The following FZR1 variants were observed in gnomAD, a reference collection of about 807,000 sequenced individuals.
The protein encoded by FZR1 is fizzy and cell division cycle 20 related 1.
In FZR1, 11 loss-of-function variants were observed where a neutral mutation model predicts 63.6. That is an observed-to-expected ratio of 0.17 (90% CI 0.11 to 0.29). FZR1 has a LOEUF of 0.29. Ranked by LOEUF, FZR1 falls within the 10% of genes least tolerant of loss-of-function variation. The pLI, the probability that FZR1 is intolerant of heterozygous loss-of-function variation, is 1.00. For synonymous variants in FZR1, 328 were observed against 297.9 expected, an observed-to-expected ratio of 1.10 and a Z score of -1.04; for missense variants, 440 against 687.5, an observed-to-expected ratio of 0.64 and a Z score of 4.03.
chr19:3,529,742 G>A (rs1468275633), intron 7 of FZR1, among the ~76,000 whole-genome samples: 1 of 150,336 alleles, frequency 6.7e-6, no homozygotes, highest in Admixed American at 6.6e-5. Flanking sequence ...GAGAGTGGAT[G>A]GGTGAGCGCA....
intron 7 of FZR1, 56 bp from the exon 8 acceptor site, chr19:3,530,736 G>A: frequency 7.5e-7 from 1 of 1,340,910 alleles, no homozygotes; most frequent in Non-Finnish European, 1.1e-6. Flanking sequence ...ATGTACCCAT[G>A]GATAGACTGG....
In FZR1 at chr19:3,526,223, T is replaced by A. The variant is rs775745495; in HGVS notation, c.260-36T>A. 1 of 1,611,504 alleles carries A rather than the reference T, an allele frequency of 6.2e-7. No individual in the cohort carries two copies. Among genetic ancestry groups the A allele is most frequent in the South Asian group, 1.1e-5 (1 of 91,056 alleles). Reference sequence around the variant, plus strand: ...CCATCCGCCCTGCAGGCCCCCACCCTGCCTTGCCCCGCCTCACTGTGCTTG... The same window carrying A: ...CCATCCGCCCTGCAGGCCCCCACCCAGCCTTGCCCCGCCTCACTGTGCTTG... On this transcript the variant is annotated intron_variant, in intron 4 of 13. Coordinates refer to ENST00000441788, the MANE Select transcript of FZR1 (RefSeq NM_016263.4). This position sits in a 1 kb window ranked among gnomAD's most constrained non-coding sequence, Gnocchi z 5.4.
chr19:3,519,463 A>G (rs563652080), intron 1 of FZR1, among the ~76,000 whole-genome samples: 1 of 152,214 alleles, frequency 6.6e-6, no homozygotes, highest in African/African-American at 2.4e-5. Flanking sequence ...CTGGTCTCAG[A>G]TTTGCTGGAC....
chr19:3,507,993 G>C (rs1450564162), intron 1 of FZR1, among the ~76,000 whole-genome samples: 4 of 152,124 alleles, frequency 2.6e-5, no homozygotes, highest in African/African-American at 9.7e-5. Flanking sequence ...GGCAAGCCCG[G>C]TGCTTTACTG....
chr19:3,526,938 G>T lies in FZR1; in HGVS notation c.388-42G>T. On this transcript the variant is annotated intron_variant, in intron 5 of 13. Transcript: ENST00000441788. The surrounding 1 kb of genome is among the most constrained non-coding windows in gnomAD (Gnocchi z 5.4). Reference sequence around the variant, plus strand: ...TGCTGGGGGGCTCTGAGGGTCCTGCGGCCTGGGCGTGCGCTCAGCTGGCAT... The same window carrying T: ...TGCTGGGGGGCTCTGAGGGTCCTGCTGCCTGGGCGTGCGCTCAGCTGGCAT... 1 of 1,432,030 alleles carries T rather than the reference G, an allele frequency of 7.0e-7. No homozygotes were observed. 88.7% of individuals were successfully genotyped at this position (1,432,030 alleles called of 1,614,324 possible). A position where few individuals can be genotyped will look rare whatever the true frequency, so the allele number is the denominator to read the frequency against.
chr19:3,530,482 G>A lies in FZR1; in HGVS notation c.655-310G>A, dbSNP rs552226813. The stretch of plus-strand genomic sequence containing the variant: ...CGCATGGATGAGCGCATGGGAGAGC[G>A]CATGGGTGAGCGGATGCAAGAGTGG... On this transcript the variant is annotated intron_variant, in intron 7 of 13. Transcript: ENST00000441788. 1.2e-4 allele frequency among the ~76,000 whole-genome samples: 17 copies of A among 143,874 alleles called. 1 individual carries two copies. In the South Asian group the frequency reaches 2.9e-3, roughly 25 times the overall value. The allele number at this position is 143,874 out of a possible 152,430, so 94.4% of individuals were successfully genotyped here.
Position 3,534,518 on chromosome 19 carries a change from A to AG in FZR1, c.1440+6dup. The AG allele has an allele frequency of 6.3e-7, 1 of 1,590,946 alleles. No individual in the cohort carries two copies. Among genetic ancestry groups the AG allele is most frequent in the Non-Finnish European group, 8.6e-7 (1 of 1,163,930 alleles). ...AGCAAAACCCGTTCGACAAAGGTAA[A>AG]GTGGGTCGGTATCAGCGCCACTCGC... On this transcript the variant is annotated splice_donor_region_variant and intron_variant, in intron 13 of 13. Coordinates refer to ENST00000441788, the MANE Select transcript of FZR1 (RefSeq NM_016263.4).
chr19:3,512,942 A>AC (rs972342242), intron 1 of FZR1, among the ~76,000 whole-genome samples: 23 of 151,786 alleles, frequency 1.5e-4, no homozygotes, highest in African/African-American at 5.6e-4. Context: ...TAGCTGGGTG[A>AC]CCCCCCATTT....
At position 3,514,147 on chromosome 19, in the gene FZR1, G is replaced by A. The variant is rs2083042163; in HGVS notation, c.-35+7673G>A. Among the ~76,000 whole-genome samples the A allele has an allele frequency of 6.6e-6, 1 of 152,130 alleles. No homozygotes were observed. The highest frequency in any genetic ancestry group is 2.4e-5 in the African/African-American group (1 of 41,420). ...GTCTACACGGCAGACAGCCCCTCACGCTTTGCGTCCCCACTCAGGGACACC... is the reference window on the plus strand; with the variant it reads ...GTCTACACGGCAGACAGCCCCTCACACTTTGCGTCCCCACTCAGGGACACC... On this transcript the variant is annotated intron_variant, in intron 1 of 13. Transcript: ENST00000441788. This position sits in a 1 kb window ranked among gnomAD's most constrained non-coding sequence, Gnocchi z 4.2.
chr19:3,532,294 C>A, intron 10 of FZR1, 123 bp from the exon 11 acceptor site: 1 of 869,870 alleles, frequency 1.1e-6, no homozygotes, highest in Non-Finnish European at 1.7e-6. Flanking sequence ...CCCCAGGGGT[C>A]CTTGAGGGAG....
chr19:3,527,766 C>T lies in FZR1; in HGVS notation c.606C>T (p.Ser202=), dbSNP rs370673904. 1.1e-5 allele frequency: 17 copies of T among 1,612,648 alleles called. No individual in the cohort carries two copies. Among genetic ancestry groups the T allele is most frequent in the African/African-American group, 6.7e-5 (5 of 74,908 alleles). The part of the protein sequence containing the change: ...LVDWSSLNVL[S]VGLGTCVYLW... The stretch of plus-strand genomic sequence containing the variant: ...ACTGGTCGTCCCTCAATGTGCTCAG[C>T]GTGGGGCTAGGCACCTGCGTGTACC... Residue 202 remains serine, a synonymous_variant, in exon 7 of 14, where the codon AGC becomes AGT. Coordinates refer to ENST00000441788, the MANE Select transcript of FZR1 (RefSeq NM_016263.4).
Position 3,526,363 on chromosome 19 carries a change from C to T in FZR1, c.364C>T (p.Pro122Ser), listed in dbSNP as rs1467964006. ...TEDRRLQPSTPEKKGLFTYSL... is the reference protein window; with the variant it reads ...TEDRRLQPSTSEKKGLFTYSL... ...GGACCGCAGGCTGCAGCCCTCCACG[C>T]CTGAGAAGAAGGGTCTGTTCACGGT... The change falls in exon 5 of 14, where the codon CCT (proline) becomes TCT (serine). Residue 122 changes from proline (P) to serine (S), a missense_variant. Around this residue, in one of 5 missense-constraint regions of FZR1, gnomAD observed 200 missense variants for 245.1 expected, o/e 0.82. Transcript: ENST00000441788. This position sits in a 1 kb window ranked among gnomAD's most constrained non-coding sequence, Gnocchi z 5.4. The T allele has an allele frequency of 1.3e-6, 2 of 1,597,032 alleles. No individual in the cohort carries two copies. Among genetic ancestry groups the T allele is most frequent in the South Asian group, 1.1e-5 (1 of 89,056 alleles).
chr19:3,520,292 A>C (rs548560506), intron 1 of FZR1, among the ~76,000 whole-genome samples: 2 of 152,052 alleles, frequency 1.3e-5, no homozygotes, highest in South Asian at 4.2e-4. Context: ...GGAGAAGGGG[A>C]TGGGGAGGAG....
intron 1 of FZR1, among the ~76,000 whole-genome samples, chr19:3,519,471 G>A (rs1271295646): frequency 6.6e-6 from 1 of 152,184 alleles, no homozygotes; most frequent in East Asian, 1.9e-4. Flanking sequence ...AGATTTGCTG[G>A]ACTTGAACAA....
In FZR1 at chr19:3,532,151, T is replaced by G. The variant is rs922255862; in HGVS notation, c.1008+56T>G. ...TCACCAGAAGCCGCACCCCTCACAC[T>G]GGCAGGAACGGAAGAGCCTGGGCTG... is the stretch of plus-strand genomic sequence containing the variant. On this transcript the variant is annotated intron_variant, in intron 10 of 13. Transcript: ENST00000441788. 15 of 1,422,304 alleles carry G rather than the reference T, an allele frequency of 1.1e-5. No homozygotes were observed. The Admixed American group carries it at 2.0e-4, about 19-fold the overall frequency. The allele number at this position is 1,422,304 out of a possible 1,614,324, so 88.1% of individuals were successfully genotyped here.
In FZR1 at chr19:3,531,795, G is replaced by A. The variant is rs2083250184; in HGVS notation, c.802G>A (p.Glu268Lys). ...AAAGKKLSMLEGHTARVGALA... is the reference protein window; with the variant it reads ...AAAGKKLSMLKGHTARVGALA... The stretch of plus-strand genomic sequence containing the variant: ...CGCAGGGAAGAAGCTGTCCATGTTG[G>A]AGGGCCACACGGCACGCGTCGGTGA... The change falls in exon 9 of 14, where the codon GAG (glutamate) becomes AAG (lysine). Residue 268 changes from glutamate (E) to lysine (K), a missense_variant. Transcript: ENST00000441788. The A allele has an allele frequency of 6.5e-7, 1 of 1,550,324 alleles. No homozygotes were observed. Among genetic ancestry groups the A allele is most frequent in the Admixed American group, 2.0e-5 (1 of 50,914 alleles).
chr19:3,519,175 G>T (rs983757049), intron 1 of FZR1, among the ~76,000 whole-genome samples: 3 of 152,228 alleles, frequency 2.0e-5, no homozygotes, highest in African/African-American at 7.2e-5. Flanking sequence ...GAGCATAAGT[G>T]TCTGGGGAAG....
At chr19:3,534,728 G>T (rs775316646) in intron 13 of FZR1, 67 bp from the exon 14 acceptor site, 4 of 1,441,448 alleles carry the variant, frequency 2.8e-6, no homozygotes, top group Non-Finnish European at 2.9e-6. Context: ...AAGCCTTGGG[G>T]ACCCTCCAGG....
rs769350447 is a variant in FZR1, at chr19:3,530,990, C to G, written c.720+133C>G. 4.6e-6 allele frequency: 3 copies of G among 648,616 alleles called. No homozygotes were observed. The South Asian group carries it at 5.6e-5, about 12-fold the overall frequency. The allele number at this position is 648,616 out of a possible 1,614,324, so 40.2% of individuals were successfully genotyped here. A position where few individuals can be genotyped will look rare whatever the true frequency, so the allele number is the denominator to read the frequency against. ...TGTCCAAGCATAGGTCTGTGTCCCC[C>G]ACTGTCCCCGGCCTTAGTGTGGTCC... On this transcript the variant is annotated intron_variant, in intron 8 of 13. Transcript: ENST00000441788.
Sources: allele counts gnomAD v4.1 joint callset (sites outside exome capture counted in the v4.1 genomes callset), GRCh38; gene constraint gnomAD v4.1.1; regional missense constraint gnomAD v4.1.1; non-coding constraint Gnocchi (gnomAD v3.1); transcripts MANE v1.5; gene names NCBI Gene and HGNC (gene_info 2026-07-23, HGNC 2026-07-21).